TANC2: variants seen among roughly 807,000 people sequenced by gnomAD.
The protein encoded by TANC2 is tetratricopeptide repeat, ankyrin repeat and coiled-coil containing 2.
Under a neutral mutation model 210.5 loss-of-function variants are expected in TANC2, and 26 were observed. The observed-to-expected ratio is 0.12, with a 90% CI of 0.09 to 0.17. The LOEUF (loss-of-function observed/expected upper bound fraction) is 0.17, where lower values mean the gene tolerates loss of function less well. Ranked by LOEUF, TANC2 falls within the 10% of genes least tolerant of loss-of-function variation. The pLI is 1.00. For synonymous variants in TANC2, 931 were observed against 967.1 expected (o/e 0.96, Z 0.69); for missense variants, 2,129 against 2,608.9 (o/e 0.82, Z 4.01).
At chr17:63,355,005 C>T in exon 14 of TANC2, 1 of 1,613,914 alleles carries the variant, frequency 6.2e-7, no homozygotes, top group Non-Finnish European at 8.5e-7. Context: ...ATATCTGAAA[C>T]TTACATTTGA....
chr17:63,181,117 A>C (rs2040770407), intron 5 of TANC2, among the ~76,000 whole-genome samples: 4 of 151,454 alleles, frequency 2.6e-5, no homozygotes, highest in Non-Finnish European at 4.4e-5. Context: ...CTAAATTTGC[A>C]ATGTCACAGA....
At chr17:63,054,935 G>A (rs1163787866) in intron 2 of TANC2, among the ~76,000 whole-genome samples, 1 of 152,134 alleles carries the variant, frequency 6.6e-6, no homozygotes, top group Admixed American at 6.6e-5. Flanking sequence ...AGTTTCTAGA[G>A]TATTGAAGAC....
chr17:63,140,432 C>G (rs543983549), intron 4 of TANC2, among the ~76,000 whole-genome samples: 6 of 152,316 alleles, frequency 3.9e-5, no homozygotes, highest in African/African-American at 1.4e-4. Flanking sequence ...ATTGCTGCTT[C>G]AATCTTGTAG....
intron 13 of TANC2, among the ~76,000 whole-genome samples, chr17:63,352,724 T>C (rs1180175289): frequency 6.6e-6 from 1 of 152,162 alleles, no homozygotes; most frequent in Non-Finnish European, 1.5e-5. Context: ...TTTTTAAAAA[T>C]TATTTCATTT....
At chr17:63,241,801 A>C (rs912178254) in intron 8 of TANC2, among the ~76,000 whole-genome samples, 9 of 152,336 alleles carry the variant, frequency 5.9e-5, no homozygotes, top group African/African-American at 1.9e-4. Flanking sequence ...TGACTTCATG[A>C]ATTACATAGA....
At chr17:63,026,129 A>G (rs1471692526) in intron 2 of TANC2, among the ~76,000 whole-genome samples, 2 of 149,024 alleles carry the variant, frequency 1.3e-5, no homozygotes, top group Non-Finnish European at 3.0e-5. Flanking sequence ...CAGATCTAAG[A>G]CTCTAACCCC....
At chr17:63,042,081 T>C (rs1216785348) in intron 2 of TANC2, among the ~76,000 whole-genome samples, 2 of 152,202 alleles carry the variant, frequency 1.3e-5, no homozygotes, top group Non-Finnish European at 2.9e-5. Context: ...TGCTGGAATA[T>C]AGTTGCAAAT....
chr17:63,014,890 A>G (rs1398791081), intron 2 of TANC2, among the ~76,000 whole-genome samples: 2 of 152,146 alleles, frequency 1.3e-5, no homozygotes, highest in African/African-American at 4.8e-5. Flanking sequence ...AGTGCTTTGT[A>G]TTGTGTATGC....
At chr17:63,067,428 G>T (rs1568358713) in intron 2 of TANC2, among the ~76,000 whole-genome samples, 1 of 151,900 alleles carries the variant, frequency 6.6e-6, no homozygotes, top group Non-Finnish European at 1.5e-5. Context: ...ATTTCAGCCT[G>T]AAAAGTCTTA....
chr17:63,398,026 TTCAG>T (rs2048224399), intron 18 of TANC2, among the ~76,000 whole-genome samples: 1 of 152,214 alleles, frequency 6.6e-6, no homozygotes, highest in African/African-American at 2.4e-5. Context: ...TTGAACCGTG[TTCAG>T]TCAAATTCCC....
chr17:63,420,136 C>T lies in TANC2; in HGVS notation c.4406C>T (p.Pro1469Leu), dbSNP rs1188684495. 3.2e-6 allele frequency: 5 copies of T among 1,556,206 alleles called. No homozygotes were observed. The highest frequency in any genetic ancestry group is 2.7e-5 in the African/African-American group (2 of 73,312). The change falls in exon 28 of 28, where the codon CCG (proline) becomes CTG (leucine). Residue 1469 changes from proline (P) to leucine (L), a missense_variant. By Grantham distance (98) the Pro-to-Leu change is moderately conservative. Around this residue, in one of 5 missense-constraint regions of TANC2, gnomAD observed 584 missense variants for 627.3 expected, o/e 0.93. Transcript: ENST00000689528. This position sits in a 1 kb window ranked among gnomAD's most constrained non-coding sequence, Gnocchi z 4.2. ...CAGCCACAGCAGCCACCGCCGCCACCGCAGCCTCAGCAGCAGTTGCCGGAA... is the reference window on the plus strand; with the variant it reads ...CAGCCACAGCAGCCACCGCCGCCACTGCAGCCTCAGCAGCAGTTGCCGGAA...
intron 7 of TANC2, among the ~76,000 whole-genome samples, chr17:63,234,926 C>T (rs796110561): frequency 5.3e-5 from 8 of 152,194 alleles, no homozygotes; most frequent in African/African-American, 1.9e-4. Context: ...GAATGAGTTA[C>T]TGTATCTCAT....
chr17:63,146,332 T>C (rs1426755460), intron 4 of TANC2, among the ~76,000 whole-genome samples: 1 of 152,126 alleles, frequency 6.6e-6, no homozygotes, highest in Non-Finnish European at 1.5e-5. Context: ...TACATATAAG[T>C]TGTCTTCTGC....
intron 5 of TANC2, among the ~76,000 whole-genome samples, chr17:63,157,562 A>C (rs2039881317): frequency 1.3e-5 from 2 of 152,146 alleles, no homozygotes; most frequent in African/African-American, 4.8e-5. Context: ...TCTGCTACTT[A>C]CTACTTGTGT....
At chr17:63,012,183 A>AT (rs1043428454) in intron 2 of TANC2, among the ~76,000 whole-genome samples, 3 of 150,830 alleles carry the variant, frequency 2.0e-5, no homozygotes, top group African/African-American at 4.9e-5. Flanking sequence ...CACCTAGCTA[A>AT]TTTTTTTTTA....
intron 19 of TANC2, among the ~76,000 whole-genome samples, chr17:63,402,984 T>A (rs2048388932): frequency 6.6e-6 from 1 of 152,246 alleles, no homozygotes; most frequent in South Asian, 2.1e-4. Context: ...TGTCCAGCTA[T>A]CAGCTGAAGG....
At chr17:63,128,971 C>T (rs2038814977) in intron 4 of TANC2, among the ~76,000 whole-genome samples, 1 of 152,218 alleles carries the variant, frequency 6.6e-6, no homozygotes, top group South Asian at 2.1e-4. Context: ...CAGTTGCATA[C>T]TTACGGACGG....
intron 11 of TANC2, among the ~76,000 whole-genome samples, chr17:63,337,089 A>G (rs867702557): frequency 2.0e-5 from 3 of 152,228 alleles, no homozygotes; most frequent in African/African-American, 4.8e-5. Context: ...TTTTTGACAG[A>G]TTGTATGTGC....
intron 2 of TANC2, among the ~76,000 whole-genome samples, chr17:63,068,706 A>G (rs972229829): frequency 6.6e-6 from 1 of 152,206 alleles, no homozygotes; most frequent in African/African-American, 2.4e-5. Context: ...CTTACATAGT[A>G]TAAACATTTG....
Sources: gnomAD v4.1 joint callset for allele counts (sites outside exome capture counted in the v4.1 genomes callset) on GRCh38, gnomAD v4.1.1 for gene constraint, gnomAD v4.1.1 regional missense constraint, Gnocchi (gnomAD v3.1) non-coding constraint, MANE v1.5 for transcripts, NCBI Gene and HGNC (gene_info 2026-07-23, HGNC 2026-07-21) for gene names.